Variants in KCNAB1 observed in about 807,000 individuals in gnomAD.
The protein encoded by KCNAB1 is voltage-gated potassium channel subunit beta-1.
Under a neutral mutation model 64.6 loss-of-function variants are expected in KCNAB1, and 35 were observed. The ratio of observed to expected loss-of-function variants is 0.54; its 90% CI spans 0.41 to 0.72. The LOEUF (loss-of-function observed/expected upper bound fraction) is 0.72, where lower values mean the gene tolerates loss of function less well. Ranked by LOEUF, KCNAB1 falls within the 30% of genes least tolerant of loss-of-function variation. KCNAB1 has a pLI of 0.00. For synonymous variants in KCNAB1, 177 were observed against 183.8 expected, an observed-to-expected ratio of 0.96 and a Z score of 0.30; for missense variants, 401 against 512.9, an observed-to-expected ratio of 0.78 and a Z score of 2.11.
At chr3:156,478,940 A>T (rs925422859) in intron 8 of KCNAB1, among the ~76,000 whole-genome samples, 3 of 152,050 alleles carry the variant, frequency 2.0e-5, no homozygotes, top group Non-Finnish European at 4.4e-5. Flanking sequence ...GGGGTGAGAA[A>T]CTTCATTCGC....
chr3:156,247,550 T>C (rs1717533727), intron 1 of KCNAB1, among the ~76,000 whole-genome samples: 1 of 152,140 alleles, frequency 6.6e-6, no homozygotes. Context: ...TCCAGCAGAC[T>C]GAACCACAGT....
chr3:156,330,928 T>A (rs1347556300), intron 1 of KCNAB1, among the ~76,000 whole-genome samples: 1 of 152,194 alleles, frequency 6.6e-6, no homozygotes, highest in Non-Finnish European at 1.5e-5. Context: ...TCTTATGGAA[T>A]GTTCCCCTTA....
intron 1 of KCNAB1, among the ~76,000 whole-genome samples, chr3:156,405,529 GA>G (rs112714931): frequency 1.3e-4 from 20 of 152,032 alleles, no homozygotes; most frequent in African/African-American, 4.6e-4. Flanking sequence ...TATGTGATCA[GA>G]AAAAAAGTTT....
At chr3:156,389,535 G>A (rs527711755) in intron 1 of KCNAB1, among the ~76,000 whole-genome samples, 14 of 152,308 alleles carry the variant, frequency 9.2e-5, no homozygotes, top group African/African-American at 3.4e-4. Flanking sequence ...GATTCTCCAA[G>A]TGTGTCCTGG....
chr3:156,294,443 A>T (rs1720655959), intron 1 of KCNAB1, among the ~76,000 whole-genome samples: 2 of 152,314 alleles, frequency 1.3e-5, no homozygotes, highest in South Asian at 4.1e-4. Flanking sequence ...GAAGGAGATT[A>T]TGAGATTATG....
At chr3:156,220,694 T>C (rs1199464227) in intron 1 of KCNAB1, among the ~76,000 whole-genome samples, 4 of 152,348 alleles carry the variant, frequency 2.6e-5, no homozygotes, top group African/African-American at 9.6e-5. Context: ...ACAGTTTCTT[T>C]TGCTGTGCAG....
intron 8 of KCNAB1, among the ~76,000 whole-genome samples, chr3:156,494,791 T>C (rs1715887396): frequency 6.6e-6 from 1 of 152,206 alleles, no homozygotes. Context: ...ATTCCTTCAA[T>C]GTAACCTGTT....
chr3:156,400,499 A>G (rs890557180), intron 1 of KCNAB1, among the ~76,000 whole-genome samples: 11 of 152,286 alleles, frequency 7.2e-5, no homozygotes, highest in African/African-American at 2.4e-4. Flanking sequence ...TGCAAATCGG[A>G]TGTTACTTTA....
intron 2 of KCNAB1, among the ~76,000 whole-genome samples, chr3:156,436,724 G>A (rs1261717878): frequency 6.6e-6 from 1 of 152,206 alleles, no homozygotes; most frequent in Non-Finnish European, 1.5e-5. Flanking sequence ...CTTTTGAGAA[G>A]TGTCTGTTCA....
At chr3:156,143,405 C>T (rs774589272) in intron 1 of KCNAB1, 15 of 1,589,352 alleles carry the variant, frequency 9.4e-6, no homozygotes, top group Admixed American at 1.7e-5. Context: ...AGAGCAGAGA[C>T]GGGCATGGCA....
At chr3:156,250,355 G>A (rs117922233) in intron 1 of KCNAB1, among the ~76,000 whole-genome samples, 41 of 152,088 alleles carry the variant, frequency 2.7e-4, no homozygotes, top group Non-Finnish European at 4.6e-4. Flanking sequence ...TTACAAATTT[G>A]CCCAAGGCCA....
intron 1 of KCNAB1, among the ~76,000 whole-genome samples, chr3:156,270,565 A>C (rs1390025367): frequency 1.3e-5 from 2 of 152,204 alleles, no homozygotes; most frequent in Non-Finnish European, 2.9e-5. Context: ...CTAAAAAACA[A>C]GCAAAAAGAA....
intron 1 of KCNAB1, among the ~76,000 whole-genome samples, chr3:156,299,715 G>A (rs1038566682): frequency 3.9e-5 from 6 of 152,102 alleles, no homozygotes; most frequent in Non-Finnish European, 7.4e-5. Context: ...GCCCAGCAGT[G>A]ATTTTTTTTT....
intron 1 of KCNAB1, chr3:156,143,569 G>GGTTTT: frequency 6.8e-6 from 2 of 292,192 alleles, no homozygotes. Flanking sequence ...TTGCATTCTT[G>GGTTTT]TTTTTTTTTT....
chr3:156,311,750 G>A (rs530596743), intron 1 of KCNAB1, among the ~76,000 whole-genome samples: 1 of 152,298 alleles, frequency 6.6e-6, no homozygotes, highest in African/African-American at 2.4e-5. Flanking sequence ...TGCTCCTTAG[G>A]AAGTTATTCC....
chr3:156,434,073 T>C (rs1403935916), intron 2 of KCNAB1, among the ~76,000 whole-genome samples: 2 of 152,200 alleles, frequency 1.3e-5, no homozygotes, highest in East Asian at 3.8e-4. Context: ...TCAATTAGCA[T>C]GGCCTGGAGA....
intron 7 of KCNAB1, among the ~76,000 whole-genome samples, chr3:156,471,385 CTA>C (rs1713880095): frequency 6.6e-6 from 1 of 151,988 alleles, no homozygotes; most frequent in African/African-American, 2.4e-5. Context: ...CACTTGAAAA[CTA>C]TTTTCTTTGA....
At chr3:156,335,366 C>T (rs1251010036) in intron 1 of KCNAB1, among the ~76,000 whole-genome samples, 3 of 152,316 alleles carry the variant, frequency 2.0e-5, no homozygotes, top group East Asian at 3.9e-4. Context: ...GTGGCTACTC[C>T]CTCTTTGAGT....
At chr3:156,197,331 C>T (rs1040279035) in intron 1 of KCNAB1, among the ~76,000 whole-genome samples, 3 of 152,096 alleles carry the variant, frequency 2.0e-5, no homozygotes. Flanking sequence ...TAAAATGAGT[C>T]AGAGAGGAGT....
Sources: gnomAD v4.1 joint callset for allele counts (sites outside exome capture counted in the v4.1 genomes callset) on GRCh38, gnomAD v4.1.1 for gene constraint, MANE v1.5 for transcripts, NCBI Gene and HGNC (gene_info 2026-07-23, HGNC 2026-07-21) for gene names.